Variants in RFX2 observed in about 807,000 individuals in gnomAD.
RFX2 encodes the protein regulatory factor X2, also known as DNA-binding protein RFX2.
Under a neutral mutation model 87.8 loss-of-function variants are expected in RFX2, and 20 were observed. That is an observed-to-expected ratio of 0.23 (90% CI 0.16 to 0.33). The LOEUF (loss-of-function observed/expected upper bound fraction) is 0.33. Ranked by LOEUF, RFX2 falls within the 10% of genes least tolerant of loss-of-function variation. The pLI is 1.00. For missense variants in RFX2, 767 were observed against 1,012.3 expected, an observed-to-expected ratio of 0.76 and a Z score of 3.29; for synonymous variants, 397 against 431.3, an observed-to-expected ratio of 0.92 and a Z score of 0.98.
chr19:6,003,287 AC>A (rs1443406703), intron 13 of RFX2, among the ~76,000 whole-genome samples: 1 of 151,878 alleles, frequency 6.6e-6, no homozygotes, highest in Non-Finnish European at 1.5e-5. Context: ...CTGGTCTCAA[AC>A]TCGTGGCATC....
chr19:6,089,195 A>G (rs1238919277), intron 1 of RFX2, among the ~76,000 whole-genome samples: 1 of 152,250 alleles, frequency 6.6e-6, no homozygotes, highest in Non-Finnish European at 1.5e-5. Flanking sequence ...CTCCAAATAA[A>G]TAAAAGGGCA....
At chr19:6,058,480 C>T (rs2087378543) in intron 1 of RFX2, among the ~76,000 whole-genome samples, 1 of 152,092 alleles carries the variant, frequency 6.6e-6, no homozygotes, top group South Asian at 2.1e-4. Context: ...AATAAATGAA[C>T]AGGACCCTCT....
Position 6,025,752 on chromosome 19 carries a change from A to G in RFX2, c.597+411T>C, listed in dbSNP as rs555414873. Among the ~76,000 whole-genome samples, 49 of 149,658 alleles carry G rather than the reference A, an allele frequency of 3.3e-4. No homozygotes were observed. The South Asian group carries it at 0.01, about 32-fold the overall frequency. On this transcript the variant is annotated intron_variant, in intron 6 of 17. Transcript: ENST00000303657. ...TCCCCTCAACCACCTTTCACAAATG[A>G]CACTTTAAAGGTGTCATTTTATTGT...
chr19:6,008,552 TA>T (rs1425066747), intron 9 of RFX2, among the ~76,000 whole-genome samples: 1 of 151,992 alleles, frequency 6.6e-6, no homozygotes, highest in East Asian at 1.9e-4. Flanking sequence ...TTGCATTTTT[TA>T]GTAGAGACAG....
At chr19:6,030,217 A>T (rs1356365618) in intron 5 of RFX2, among the ~76,000 whole-genome samples, 1 of 152,230 alleles carries the variant, frequency 6.6e-6, no homozygotes, top group Non-Finnish European at 1.5e-5. Context: ...CAAACTGTTG[A>T]AAGGCAAAGA....
chr19:6,069,110 A>C (rs1456781975), intron 1 of RFX2, among the ~76,000 whole-genome samples: 1 of 152,178 alleles, frequency 6.6e-6, no homozygotes, highest in Non-Finnish European at 1.5e-5. Flanking sequence ...TGAGTTCTGA[A>C]GGTGTAAAGT....
chr19:6,007,155 G>A lies in RFX2; in HGVS notation c.1259C>T (p.Pro420Leu). ...GTCCTTGGGCAGGACGGCGCCCTCG[G>A]GGTCTTCGTCACTGTGGAGGGAGGG... ...PTSLPASDED[P>L]EGAVLPKDKL... The change falls in exon 12 of 18, where the codon CCC (proline) becomes CTC (leucine). Residue 420 changes from proline to leucine, a missense_variant. By Grantham distance (98) the Pro-to-Leu change is moderately conservative. Transcript: ENST00000303657. The surrounding 1 kb of genome is among the most constrained non-coding windows in gnomAD (Gnocchi z 8.2). The A allele has an allele frequency of 1.2e-6, 2 of 1,613,748 alleles. No homozygotes were observed. The highest frequency in any genetic ancestry group is 8.5e-7 in the Non-Finnish European group (1 of 1,179,922).
Position 6,006,994 on chromosome 19 carries a change from G to C in RFX2, c.1402+18C>G. 6.2e-7 allele frequency: 1 copy of C among 1,613,050 alleles called. No homozygotes were observed. Among genetic ancestry groups the C allele is most frequent in the Non-Finnish European group, 8.5e-7 (1 of 1,179,392 alleles). ...AGAGAGGATGGAGCAGCGCCGGGCG[G>C]GGCCGTGGGTCACTTACTGGGGACC... On this transcript the variant is annotated intron_variant, in intron 12 of 17. Transcript: ENST00000303657.
At chr19:6,082,494 G>A (rs113240307) in intron 1 of RFX2, among the ~76,000 whole-genome samples, 3,458 of 152,032 alleles carry the variant, frequency 0.023, 141 homozygotes, top group African/African-American at 0.079. Flanking sequence ...GTGCAGTGGC[G>A]CGATCACAGC....
At position 6,016,529 on chromosome 19, in the gene RFX2, T is replaced by A. The variant is rs925928796; in HGVS notation, c.598-258A>T. The stretch of plus-strand genomic sequence containing the variant: ...CCTCAGCCTCCCAGGTAGCTGGGAT[T>A]ACAGGTGTCCGACACCACATCTGGC... On this transcript the variant is annotated intron_variant, in intron 6 of 17. Coordinates refer to ENST00000303657, the MANE Select transcript of RFX2 (RefSeq NM_000635.4). The surrounding 1 kb of genome is among the most constrained non-coding windows in gnomAD (Gnocchi z 5.4). 6.6e-6 allele frequency among the ~76,000 whole-genome samples: 1 copy of A among 152,174 alleles called. No individual in the cohort carries two copies. Among genetic ancestry groups the A allele is most frequent in the Non-Finnish European group, 1.5e-5 (1 of 68,030 alleles).
chr19:6,073,181 T>C, intron 1 of RFX2: 1 of 478,614 alleles, frequency 2.1e-6, no homozygotes, highest in Non-Finnish European at 3.9e-6. Context: ...GGTTTCACCA[T>C]GTTGGCCAGG....
intron 1 of RFX2, among the ~76,000 whole-genome samples, chr19:6,089,893 TG>T (rs1490516896): frequency 1.3e-5 from 2 of 152,138 alleles, no homozygotes; most frequent in African/African-American, 4.8e-5. Context: ...CAGAAACTTG[TG>T]GATTAGAGAA....
In RFX2 at chr19:6,023,501, G is replaced by A. The variant is rs568359847; in HGVS notation, c.597+2662C>T. 7.2e-5 allele frequency among the ~76,000 whole-genome samples: 11 copies of A among 152,324 alleles called. No individual in the cohort carries two copies. Among genetic ancestry groups the A allele is most frequent in the East Asian group, 1.9e-4 (1 of 5,190 alleles). The stretch of plus-strand genomic sequence containing the variant: ...AACAAGATCTAAGTTTATTCTGCCC[G>A]TGTGTGTGGTGAACTTTTTAGAAAG... On this transcript the variant is annotated intron_variant, in intron 6 of 17. Coordinates refer to ENST00000303657, the MANE Select transcript of RFX2 (RefSeq NM_000635.4). This position sits in a 1 kb window ranked among gnomAD's most constrained non-coding sequence, Gnocchi z 4.9.
chr19:6,004,511 TCA>T lies in RFX2; in HGVS notation c.1403-215_1403-214del, dbSNP rs1207747140. ...TCACCACCCACTGCCTATGCGGGTC[TCA>T]CAGGGGCGATTCTGCCCCAGGGGAC... On this transcript the variant is annotated intron_variant, in intron 12 of 17. Transcript: ENST00000303657. This position sits in a 1 kb window ranked among gnomAD's most constrained non-coding sequence, Gnocchi z 4.8. Among the ~76,000 whole-genome samples the T allele has an allele frequency of 6.6e-6, 1 of 152,214 alleles. No homozygotes were observed. Among genetic ancestry groups the T allele is most frequent in the Non-Finnish European group, 1.5e-5 (1 of 68,034 alleles).
intron 1 of RFX2, among the ~76,000 whole-genome samples, chr19:6,090,900 C>T (rs2087924427): frequency 6.6e-6 from 1 of 152,118 alleles, no homozygotes; most frequent in Non-Finnish European, 1.5e-5. Context: ...CCCAACCTTC[C>T]AGGGCTTAAA....
intron 4 of RFX2, among the ~76,000 whole-genome samples, chr19:6,041,352 A>G (rs1333801183): frequency 1.3e-5 from 2 of 152,162 alleles, no homozygotes; most frequent in Non-Finnish European, 2.9e-5. Flanking sequence ...TCCAGGCCAA[A>G]TGGAAACAGA....
At chr19:6,092,348 G>A (rs1224206744) in intron 1 of RFX2, among the ~76,000 whole-genome samples, 1 of 152,212 alleles carries the variant, frequency 6.6e-6, no homozygotes, top group African/African-American at 2.4e-5. Flanking sequence ...GGGGGTCAAT[G>A]ACCCAAGAAA....
intron 6 of RFX2, among the ~76,000 whole-genome samples, chr19:6,018,738 C>T (rs1416071738): frequency 6.6e-6 from 1 of 152,214 alleles, no homozygotes; most frequent in Non-Finnish European, 1.5e-5. Flanking sequence ...AGGAGCAAAG[C>T]GTAAGCCTCG....
intron 1 of RFX2, among the ~76,000 whole-genome samples, chr19:6,072,632 G>A (rs977507857): frequency 2.0e-5 from 3 of 152,174 alleles, no homozygotes; most frequent in Non-Finnish European, 4.4e-5. Flanking sequence ...TTGAGGCCAG[G>A]AGGTGGAGGA....
Sources: allele counts gnomAD v4.1 joint callset (sites outside exome capture counted in the v4.1 genomes callset), GRCh38; gene constraint gnomAD v4.1.1; non-coding constraint Gnocchi (gnomAD v3.1); transcripts MANE v1.5; gene names NCBI Gene and HGNC (gene_info 2026-07-23, HGNC 2026-07-21).